The following ABCA12 variants were observed in gnomAD, a reference collection of about 807,000 sequenced individuals.
The protein encoded by ABCA12 is ATP binding cassette subfamily A member 12.
ABCA12 carries 156 observed loss-of-function variants against 293.5 expected under a neutral mutation model. That is an observed-to-expected ratio of 0.53 (90% confidence interval 0.47 to 0.61). The LOEUF (loss-of-function observed/expected upper bound fraction) is 0.61, where lower values mean the gene tolerates loss of function less well. Among genes scored for constraint, ABCA12 ranks in the 20% least tolerant of loss-of-function variants. The probability of loss-of-function intolerance (pLI) is 0.00; values close to 1 mark genes in which losing one functional copy is unlikely to be tolerated. For synonymous variants in ABCA12, 1,063 were observed against 1,108.0 expected, an observed-to-expected ratio of 0.96 and a Z score of 0.81; for missense variants, 2,797 against 3,090.2, an observed-to-expected ratio of 0.91 and a Z score of 2.25.
At chr2:215,114,335 TTTTTA>T (rs1392804536) in intron 1 of ABCA12, among the ~76,000 whole-genome samples, 1 of 152,214 alleles carries the variant, frequency 6.6e-6, no homozygotes, top group African/African-American at 2.4e-5. Flanking sequence ...TTTATAATCC[TTTTTA>T]TTTTATTTTA....
Position 215,074,496 on chromosome 2 carries a change from C to T in ABCA12, c.164-10277G>A, listed in dbSNP as rs1250725087. On this transcript the variant is annotated intron_variant, in intron 2 of 52. Transcript: ENST00000272895. ...AATAATGACGGACTCAGAATGAGAA[C>T]AAACAAGGATAGGAAAAAATAAAGC... 5.3e-5 allele frequency among the ~76,000 whole-genome samples: 8 copies of T among 151,950 alleles called. No homozygotes were observed. In the East Asian group the frequency reaches 1.5e-3, roughly 29 times the overall value.
intron 2 of ABCA12, among the ~76,000 whole-genome samples, chr2:215,107,457 T>C (rs926104249): frequency 1.3e-5 from 2 of 152,220 alleles, no homozygotes; most frequent in Non-Finnish European, 2.9e-5. Context: ...TGAGAAGAAT[T>C]AGGGCCTGCC....
At chr2:215,125,778 C>T (rs945860491) in intron 1 of ABCA12, among the ~76,000 whole-genome samples, 1 of 152,044 alleles carries the variant, frequency 6.6e-6, no homozygotes, top group Non-Finnish European at 1.5e-5. Flanking sequence ...GGTTTGGATG[C>T]CCTTTATTTA....
chr2:214,984,318 G>A (rs1001369257), intron 28 of ABCA12, among the ~76,000 whole-genome samples: 15 of 151,670 alleles, frequency 9.9e-5, no homozygotes, highest in Admixed American at 2.6e-4. Flanking sequence ...GGATGGTCTC[G>A]ATCTCCTGAC....
intron 49 of ABCA12, among the ~76,000 whole-genome samples, chr2:214,944,617 G>A (rs751877264): frequency 1.9e-4 from 29 of 151,728 alleles, no homozygotes; most frequent in Non-Finnish European, 4.1e-4. Context: ...TGCATGTTGA[G>A]CCTAAAGATT....
chr2:215,071,832 C>G (rs1701743642), intron 2 of ABCA12, among the ~76,000 whole-genome samples: 1 of 152,214 alleles, frequency 6.6e-6, no homozygotes, highest in South Asian at 2.1e-4. Flanking sequence ...TCTCCTGGCT[C>G]ATGCCTTGAG....
In ABCA12 at chr2:214,982,194, G is replaced by A; in HGVS notation, c.4572C>T (p.Asn1524=). The A allele has an allele frequency of 1.2e-6, 2 of 1,613,772 alleles. No individual in the cohort carries two copies. Among genetic ancestry groups the A allele is most frequent in the South Asian group, 1.1e-5 (1 of 91,070 alleles). Residue 1524 remains asparagine, a synonymous_variant, in exon 30 of 53, where the codon AAC becomes AAT. Coordinates refer to ENST00000272895, the MANE Select transcript of ABCA12 (RefSeq NM_173076.3). ...CTGAGAAACTACTCATACCAGTTTT[G>A]TTCTTGGATATAACATCCCATATAC... is the stretch of plus-strand genomic sequence containing the variant. ...RRSIWDVISK[N]KTARTIILST...
intron 3 of ABCA12, among the ~76,000 whole-genome samples, chr2:215,062,787 G>T (rs1289583818): frequency 2.6e-5 from 4 of 151,906 alleles, no homozygotes; most frequent in African/African-American, 9.7e-5. Context: ...GCCTTCTTTT[G>T]ACACTCTATT....
chr2:215,097,834 A>G (rs1422715192), intron 2 of ABCA12, among the ~76,000 whole-genome samples: 1 of 152,200 alleles, frequency 6.6e-6, no homozygotes, highest in Non-Finnish European at 1.5e-5. Flanking sequence ...CTTCTGGATT[A>G]TATATTTAAT....
At chr2:215,066,987 A>G (rs966991972) in intron 2 of ABCA12, among the ~76,000 whole-genome samples, 1 of 152,142 alleles carries the variant, frequency 6.6e-6, no homozygotes, top group Admixed American at 6.6e-5. Flanking sequence ...TTTCTCATAT[A>G]CATGAACTTT....
At chr2:214,981,965 TA>T (rs1559128688) in intron 30 of ABCA12, among the ~76,000 whole-genome samples, 1,263 of 124,790 alleles carry the variant, frequency 0.01, 26 homozygotes, top group South Asian at 0.051. Flanking sequence ...TTATTATTAT[TA>T]TTATTATTAT....
intron 1 of ABCA12, among the ~76,000 whole-genome samples, chr2:215,115,925 T>G (rs1390852574): frequency 6.6e-6 from 1 of 152,162 alleles, no homozygotes; most frequent in East Asian, 1.9e-4. Context: ...AAGGTGTCAG[T>G]GCAGGGAGAC....
intron 31 of ABCA12, 150 bp from the exon 32 acceptor site, chr2:214,979,190 A>G: frequency 4.1e-6 from 3 of 727,440 alleles, no homozygotes; most frequent in Non-Finnish European, 7.3e-6. Context: ...CCCCTTTGCC[A>G]CTTGGGTCCC....
intron 7 of ABCA12, among the ~76,000 whole-genome samples, chr2:215,044,888 C>T (rs1701170242): frequency 6.6e-6 from 1 of 152,060 alleles, no homozygotes; most frequent in South Asian, 2.1e-4. Flanking sequence ...TCTTCTGATG[C>T]TCTAGACATA....
intron 7 of ABCA12, among the ~76,000 whole-genome samples, chr2:215,041,495 T>C (rs1701099964): frequency 6.9e-6 from 1 of 145,854 alleles, no homozygotes; most frequent in Non-Finnish European, 1.5e-5. Flanking sequence ...GAGGTTGCAG[T>C]GAGCCAAGAT....
chr2:215,015,688 T>TTCAACTGTGAATCATTCGAGAG, intron 14 of ABCA12, 25 bp from the exon 15 acceptor site: 1 of 1,608,028 alleles, frequency 6.2e-7, no homozygotes, highest in Non-Finnish European at 8.5e-7. Flanking sequence ...AGAAAAATAT[T>TTCAACTGTGAATCATTCGAGAG]TCAACTGTGA....
chr2:215,043,018 T>C (rs933136890), intron 7 of ABCA12, among the ~76,000 whole-genome samples: 37 of 152,218 alleles, frequency 2.4e-4, no homozygotes, highest in Non-Finnish European at 4.4e-4. Context: ...CATTCTACTT[T>C]ACATTCCCAC....
intron 39 of ABCA12, among the ~76,000 whole-genome samples, chr2:214,959,912 G>A (rs1009132799): frequency 6.6e-6 from 1 of 152,134 alleles, no homozygotes; most frequent in Non-Finnish European, 1.5e-5. Flanking sequence ...AGCGACTGTG[G>A]AAAAGAGTGG....
At chr2:215,040,029 G>A (rs1701066963) in intron 7 of ABCA12, among the ~76,000 whole-genome samples, 1 of 152,086 alleles carries the variant, frequency 6.6e-6, no homozygotes, top group Admixed American at 6.6e-5. Flanking sequence ...ACATACCTAA[G>A]CCATTGTTAA....
Sources: allele counts gnomAD v4.1 joint callset (sites outside exome capture counted in the v4.1 genomes callset), GRCh38; gene constraint gnomAD v4.1.1; transcripts MANE v1.5; gene names NCBI Gene and HGNC (gene_info 2026-07-23, HGNC 2026-07-21).